The following TRAM1 variants were observed in gnomAD, a reference collection of about 807,000 sequenced individuals.
TRAM1 encodes translocating chain-associated membrane protein 1.
A neutral mutation model predicts 48.7 loss-of-function variants in TRAM1; 17 were observed. That is an observed-to-expected ratio of 0.35 (90% CI 0.24 to 0.52). The LOEUF (loss-of-function observed/expected upper bound fraction) is 0.52. TRAM1 is among the 20% of genes least tolerant of loss of function. The pLI is 0.94. For synonymous variants in TRAM1, 182 were observed against 154.0 expected, an observed-to-expected ratio of 1.18 and a Z score of -1.34; for missense variants, 351 against 441.5, an observed-to-expected ratio of 0.79 and a Z score of 1.84.
At chr8:70,596,356 A>C (rs765771095) in intron 4 of TRAM1, 35 bp from the exon 5 acceptor site, 75 of 1,503,278 alleles carry the variant, frequency 5.0e-5, no homozygotes, top group Non-Finnish European at 6.3e-6. Context: ...ACCTGTGAGC[A>C]TAATGCAAAC....
At chr8:70,590,628 A>G (rs1251953115) in intron 6 of TRAM1, among the ~76,000 whole-genome samples, 4 of 152,220 alleles carry the variant, frequency 2.6e-5, no homozygotes, top group Non-Finnish European at 5.9e-5. Context: ...CCTCCTGAGT[A>G]ACTGGGACTA....
chr8:70,577,161 C>T (rs1387370519), intron 10 of TRAM1, among the ~76,000 whole-genome samples: 4 of 152,168 alleles, frequency 2.6e-5, no homozygotes, highest in African/African-American at 4.8e-5. Flanking sequence ...ACTTTGGGTG[C>T]TGATGAGCAC....
chr8:70,590,144 A>G (rs945825318), intron 6 of TRAM1, among the ~76,000 whole-genome samples: 1 of 145,480 alleles, frequency 6.9e-6, no homozygotes, highest in African/African-American at 2.7e-5. Flanking sequence ...GGCAATGTAA[A>G]AAAAAAAAAA....
chr8:70,594,393 A>T, intron 6 of TRAM1, 113 bp downstream of exon 6: 9 of 479,578 alleles, frequency 1.9e-5, no homozygotes, highest in Non-Finnish European at 2.7e-5. Context: ...GTAAGAGTTG[A>T]GGTAAGAAGA....
At chr8:70,590,535 T>C (rs1277390194) in intron 6 of TRAM1, among the ~76,000 whole-genome samples, 2 of 152,202 alleles carry the variant, frequency 1.3e-5, no homozygotes, top group Admixed American at 1.3e-4. Context: ...TTACTCAGGC[T>C]GGAGTGCAGT....
chr8:70,586,792 G>A (rs180952797), intron 8 of TRAM1, 103 bp downstream of exon 8: 101 of 926,206 alleles, frequency 1.1e-4, no homozygotes, highest in Middle Eastern at 9.7e-4. Context: ...GCTACTGATC[G>A]CTTAAAAAGT....
intron 2 of TRAM1, 71 bp from the exon 3 acceptor site, chr8:70,598,326 T>C (rs1330078997): frequency 2.0e-5 from 28 of 1,423,068 alleles, no homozygotes; most frequent in Non-Finnish European, 2.5e-5. Flanking sequence ...AAGTACAACA[T>C]AGTTATGGAA....
intron 10 of TRAM1, among the ~76,000 whole-genome samples, chr8:70,575,891 A>G (rs1816936042): frequency 6.6e-6 from 1 of 152,024 alleles, no homozygotes; most frequent in Admixed American, 6.6e-5. Flanking sequence ...AGCCTGGCCA[A>G]CGTGGTGAAA....
intron 6 of TRAM1, 53 bp downstream of exon 6, chr8:70,594,453 T>C (rs1370102211): frequency 8.1e-6 from 12 of 1,475,914 alleles, no homozygotes; most frequent in Non-Finnish European, 1.1e-5. Context: ...AGAAAAATTT[T>C]TCAAAAAAAA....
At chr8:70,599,066 T>C (rs1817549795) in intron 2 of TRAM1, among the ~76,000 whole-genome samples, 1 of 152,104 alleles carries the variant, frequency 6.6e-6, no homozygotes, top group South Asian at 2.1e-4. Context: ...AAGACTGACC[T>C]AGGTAGTATA....
intron 1 of TRAM1, 74 bp from the exon 2 acceptor site, chr8:70,600,156 T>C: frequency 1.7e-6 from 2 of 1,208,926 alleles, no homozygotes; most frequent in Non-Finnish European, 2.4e-6. Flanking sequence ...GCAAAAACAT[T>C]ATAAAATCTG....
chr8:70,594,708 C>T lies in TRAM1; in HGVS notation c.486-118G>A, dbSNP rs1009236890. The T allele has an allele frequency of 9.6e-6, 7 of 727,736 alleles. No homozygotes were observed. In the Admixed American group the frequency reaches 2.0e-4, roughly 21 times the overall value. The allele number at this position is 727,736 out of a possible 1,614,324, so 45.1% of individuals were successfully genotyped here. A position where few individuals can be genotyped will look rare whatever the true frequency, so the allele number is the denominator to read the frequency against. ...ACTACCTTTGTGTCATCATTCCATA[C>T]AATATCTGTGCACCTTTAAACAACT... On this transcript the variant is annotated intron_variant, in intron 5 of 10. Transcript: ENST00000262213.
At chr8:70,592,671 T>C (rs1402800069) in intron 6 of TRAM1, among the ~76,000 whole-genome samples, 1 of 152,218 alleles carries the variant, frequency 6.6e-6, no homozygotes, top group Non-Finnish European at 1.5e-5. Context: ...TAGACATGGA[T>C]TAATAATGAA....
At chr8:70,575,055 G>GTT (rs759290880) in intron 10 of TRAM1, 50 bp from the exon 11 acceptor site, 1 of 1,336,038 alleles carries the variant, frequency 7.5e-7, no homozygotes, top group Non-Finnish European at 1.0e-6. Flanking sequence ...ATAAATGCAA[G>GTT]TTATAATCTT....
chr8:70,607,819 G>T, intron 1 of TRAM1: 1 of 307,226 alleles, frequency 3.3e-6, no homozygotes, highest in East Asian at 5.4e-5. Context: ...GGTCAGGAAG[G>T]GGGCGACGCG....
chr8:70,586,235 G>A (rs973055335), intron 8 of TRAM1, among the ~76,000 whole-genome samples: 2 of 125,954 alleles, frequency 1.6e-5, no homozygotes, highest in African/African-American at 3.1e-5. Context: ...AGAACACATC[G>A]ACACAGGAGG....
At chr8:70,600,430 TA>T (rs1370402527) in intron 1 of TRAM1, among the ~76,000 whole-genome samples, 8 of 152,296 alleles carry the variant, frequency 5.3e-5, no homozygotes, top group Admixed American at 3.9e-4. Context: ...ATTTCAAGTG[TA>T]AATTAATAAA....
Position 70,608,211 on chromosome 8 carries a change from C to G in TRAM1, c.-12G>C, listed in dbSNP as rs773267510. The G allele has an allele frequency of 3.0e-5, 47 of 1,583,512 alleles. No homozygotes were observed. Among genetic ancestry groups the G allele is most frequent in the Non-Finnish European group, 3.8e-5 (44 of 1,167,902 alleles). On this transcript the variant is annotated 5_prime_UTR_variant, in exon 1 of 11. Coordinates refer to ENST00000262213, the MANE Select transcript of TRAM1 (RefSeq NM_014294.6). ...TTGCGAATCGCCATGGTGGGGCCGC[C>G]GCCCGCGCCTGCAGGTGCTCCGCCC...
rs1392731811 is a variant in TRAM1, at chr8:70,574,037, CCT to C, written c.*893_*894del. On this transcript the variant is annotated 3_prime_UTR_variant, in exon 11 of 11. Coordinates refer to ENST00000262213, the MANE Select transcript of TRAM1 (RefSeq NM_014294.6). ...ATTAAATGTTTTCCAAATATAATTA[CCT>C]GTCAGTCTTTTTATAGATATAAATC... 9.6e-6 allele frequency: 2 copies of C among 207,584 alleles called. No homozygotes were observed. Among genetic ancestry groups the C allele is most frequent in the Non-Finnish European group, 2.0e-5 (2 of 101,802 alleles). The allele number at this position is 207,584 out of a possible 1,614,324, so 12.9% of individuals were successfully genotyped here. A position where few individuals can be genotyped will look rare whatever the true frequency, so the allele number is the denominator to read the frequency against.
Sources: allele counts gnomAD v4.1 joint callset (sites outside exome capture counted in the v4.1 genomes callset), GRCh38; gene constraint gnomAD v4.1.1; transcripts MANE v1.5; gene names NCBI Gene and HGNC (gene_info 2026-07-23, HGNC 2026-07-21).